STK32C: variants seen among roughly 807,000 people sequenced by gnomAD.
The protein encoded by STK32C is serine/threonine-protein kinase 32C.
A neutral mutation model predicts 56.5 loss-of-function variants in STK32C; 31 were observed. The ratio of observed to expected loss-of-function variants is 0.55; its 90% CI spans 0.41 to 0.74. The LOEUF is 0.74. STK32C is among the 30% of genes least tolerant of loss of function. The probability of loss-of-function intolerance (pLI) is 0.00; values close to 1 mark genes in which losing one functional copy is unlikely to be tolerated. For synonymous variants in STK32C, 309 were observed against 289.4 expected (o/e 1.07, Z -0.69); for missense variants, 544 against 676.9 (o/e 0.80, Z 2.18).
At chr10:132,258,523 T>C (rs1043906412) in intron 1 of STK32C, among the ~76,000 whole-genome samples, 3 of 152,160 alleles carry the variant, frequency 2.0e-5, no homozygotes, top group Non-Finnish European at 2.9e-5. Flanking sequence ...GGCCAGCGCG[T>C]TCTCCTGGAA....
Position 132,225,795 on chromosome 10 carries a change from C to A in STK32C, c.645-11G>T, listed in dbSNP as rs1165308466. On this transcript the variant is annotated splice_polypyrimidine_tract_variant and intron_variant, in intron 4 of 11. Transcript: ENST00000298630. ...TCAGGCTTGACATCTCTAGAAAGAGCAGAAAGTGGGAAGGTGAGTTGGGAA... is the reference window on the plus strand; with the variant it reads ...TCAGGCTTGACATCTCTAGAAAGAGAAGAAAGTGGGAAGGTGAGTTGGGAA... 1 of 1,613,946 alleles carries A rather than the reference C, an allele frequency of 6.2e-7. No homozygotes were observed. The highest frequency in any genetic ancestry group is 8.5e-7 in the Non-Finnish European group (1 of 1,179,982).
At chr10:132,258,573 G>T (rs574952092) in intron 1 of STK32C, among the ~76,000 whole-genome samples, 1 of 152,246 alleles carries the variant, frequency 6.6e-6, no homozygotes, top group South Asian at 2.1e-4. Context: ...CTGGGCCAGC[G>T]CGCAGGCCTT....
At chr10:132,273,618 A>C (rs980824539) in intron 1 of STK32C, among the ~76,000 whole-genome samples, 1 of 152,164 alleles carries the variant, frequency 6.6e-6, no homozygotes, top group Non-Finnish European at 1.5e-5. Flanking sequence ...GAGTTACTGA[A>C]TGAGTGGAGT....
intron 1 of STK32C, among the ~76,000 whole-genome samples, chr10:132,261,882 C>G (rs1472665317): frequency 6.6e-6 from 1 of 152,178 alleles, no homozygotes; most frequent in Non-Finnish European, 1.5e-5. Flanking sequence ...AAGTAATCTA[C>G]TGATTCAATG....
In STK32C at chr10:132,307,915, C is replaced by T; in HGVS notation, c.-82G>A. ...CCGGGAGCGGCAGTGGTAGCGGGAGCGCTCGGGGCCGGCAGCGCCCGCCGT... is the reference window on the plus strand; with the variant it reads ...CCGGGAGCGGCAGTGGTAGCGGGAGTGCTCGGGGCCGGCAGCGCCCGCCGT... On this transcript the variant is annotated 5_prime_UTR_variant, in exon 1 of 12. Coordinates refer to ENST00000298630, the MANE Select transcript of STK32C (RefSeq NM_173575.4). This position sits in a 1 kb window ranked among gnomAD's most constrained non-coding sequence, Gnocchi z 4.4. The T allele has an allele frequency of 9.2e-7, 1 of 1,089,294 alleles. No homozygotes were observed. The highest frequency in any genetic ancestry group is 1.1e-6 in the Non-Finnish European group (1 of 895,878). 67.5% of individuals were successfully genotyped at this position (1,089,294 alleles called of 1,614,324 possible).
chr10:132,299,129 C>T (rs530480113), intron 1 of STK32C, among the ~76,000 whole-genome samples: 82 of 150,028 alleles, frequency 5.5e-4, no homozygotes, highest in African/African-American at 1.8e-3. Flanking sequence ...TGGACTGAGA[C>T]CCCAGCAGCA....
intron 10 of STK32C, among the ~76,000 whole-genome samples, chr10:132,220,606 G>A (rs981054909): frequency 6.6e-6 from 1 of 152,162 alleles, no homozygotes; most frequent in Non-Finnish European, 1.5e-5. Context: ...AAGAACCTAC[G>A]TGGCCCCATC....
At chr10:132,327,439 C>G (rs1236576173) in intron 1 of STK32C, among the ~76,000 whole-genome samples, 1 of 152,100 alleles carries the variant, frequency 6.6e-6, no homozygotes, top group Non-Finnish European at 1.5e-5. Context: ...CCACAATTCT[C>G]CCCAACCATG....
At chr10:132,330,672 ATT>A (rs57850207) in intron 1 of STK32C, among the ~76,000 whole-genome samples, 49,241 of 126,834 alleles carry the variant, frequency 0.39, 9,212 homozygotes, top group African/African-American at 0.46. Flanking sequence ...CACACCCAGC[ATT>A]TTTTTTTTTT....
chr10:132,293,732 A>G (rs778218889), intron 1 of STK32C, among the ~76,000 whole-genome samples: 8 of 152,102 alleles, frequency 5.3e-5, no homozygotes, highest in Non-Finnish European at 1.0e-4. Context: ...CTCGGCCTGA[A>G]GAACAGAGCC....
At chr10:132,261,431 G>T (rs1209230095) in intron 1 of STK32C, among the ~76,000 whole-genome samples, 1 of 152,176 alleles carries the variant, frequency 6.6e-6, no homozygotes, top group Non-Finnish European at 1.5e-5. Context: ...TAACCAAGGA[G>T]ATGAAAGAGC....
chr10:132,229,278 G>A (rs2063010085), intron 2 of STK32C, among the ~76,000 whole-genome samples: 1 of 152,190 alleles, frequency 6.6e-6, no homozygotes, highest in African/African-American at 2.4e-5. Flanking sequence ...CCCAGCAGGG[G>A]GCCTGGAGGA....
At chr10:132,217,719 C>T (rs777340857) in intron 10 of STK32C, among the ~76,000 whole-genome samples, 3 of 152,028 alleles carry the variant, frequency 2.0e-5, no homozygotes, top group Admixed American at 6.6e-5. Flanking sequence ...TCATGAGATC[C>T]GATGGTTTTA....
At chr10:132,231,977 C>T (rs1231643008) in intron 2 of STK32C, among the ~76,000 whole-genome samples, 2 of 152,258 alleles carry the variant, frequency 1.3e-5, no homozygotes, top group African/African-American at 4.8e-5. Context: ...TTTGCAGACA[C>T]TGAGCTACGG....
At chr10:132,315,846 AG>A (rs548819803) in intron 1 of STK32C, among the ~76,000 whole-genome samples, 20 of 152,254 alleles carry the variant, frequency 1.3e-4, no homozygotes, top group Non-Finnish European at 2.4e-4. Flanking sequence ...TAAATCTCAA[AG>A]GATTGAAATA....
At chr10:132,325,453 T>G (rs1190277398) in intron 1 of STK32C, among the ~76,000 whole-genome samples, 1 of 151,322 alleles carries the variant, frequency 6.6e-6, no homozygotes, top group African/African-American at 2.4e-5. Context: ...CTCGGGAGGC[T>G]GAGGCAGGAG....
upstream of STK32C, chr10:132,332,059 A>G: frequency 5.1e-6 from 1 of 195,884 alleles, no homozygotes; most frequent in South Asian, 1.1e-4. Context: ...AACCCCCACA[A>G]CACGCACACC....
chr10:132,252,094 T>G (rs536643074), intron 1 of STK32C, among the ~76,000 whole-genome samples: 1 of 152,360 alleles, frequency 6.6e-6, no homozygotes, highest in East Asian at 1.9e-4. Context: ...GGGCTGGACT[T>G]TGGCACTGTC....
chr10:132,310,573 T>C (rs7921506), upstream of STK32C, among the ~76,000 whole-genome samples: 2,198 of 151,800 alleles, frequency 0.014, 44 homozygotes, highest in South Asian at 0.045. This position sits in a 1 kb window ranked among gnomAD's most constrained non-coding sequence, Gnocchi z 4.6. Context: ...TGGGACAGAG[T>C]CAGCTGTGGA....
Sources: allele counts gnomAD v4.1 joint callset (sites outside exome capture counted in the v4.1 genomes callset), GRCh38; gene constraint gnomAD v4.1.1; non-coding constraint Gnocchi (gnomAD v3.1); transcripts MANE v1.5; gene names NCBI Gene and HGNC (gene_info 2026-07-23, HGNC 2026-07-21).